Variants in TCF7 observed in about 807,000 individuals in gnomAD.
TCF7 encodes the protein transcription factor 7, also known as T-cell-factor-7.
Under a neutral mutation model 46.8 loss-of-function variants are expected in TCF7, and 19 were observed. The observed-to-expected ratio is 0.41, with a 90% CI of 0.28 to 0.60. The LOEUF (loss-of-function observed/expected upper bound fraction) is 0.60, where lower values mean the gene tolerates loss of function less well. Among genes scored for constraint, TCF7 ranks in the 20% least tolerant of loss-of-function variants. The probability of loss-of-function intolerance (pLI) is 0.35; values close to 1 mark genes in which losing one functional copy is unlikely to be tolerated. For missense variants in TCF7, 547 were observed against 504.6 expected, an observed-to-expected ratio of 1.08 and a Z score of -0.81; for synonymous variants, 245 against 213.4, an observed-to-expected ratio of 1.15 and a Z score of -1.29.
At chr5:134,126,557 C>T (rs1035645506) in intron 3 of TCF7, among the ~76,000 whole-genome samples, 1 of 152,254 alleles carries the variant, frequency 6.6e-6, no homozygotes, top group African/African-American at 2.4e-5. Context: ...ATGTGTCAAG[C>T]ACTTCCCAAG....
At chr5:134,111,924 G>C (rs1434540905), upstream of TCF7, among the ~76,000 whole-genome samples, 1 of 152,182 alleles carries the variant, frequency 6.6e-6, no homozygotes, top group Non-Finnish European at 1.5e-5. Flanking sequence ...GTCAAATGGG[G>C]ATACGAGTCC....
At chr5:134,142,049 T>G in intron 5 of TCF7, 136 bp from the exon 6 acceptor site, 1 of 1,236,360 alleles carries the variant, frequency 8.1e-7, no homozygotes, top group Non-Finnish European at 1.1e-6. Context: ...TGTGTACTTA[T>G]GTCTAGGCCA....
rs775797098 is a variant in TCF7 at position 134,115,999 on chromosome 5, G to A, written c.407G>A (p.Gly136Glu). ...CTCATGCATTACCCACCCCCCTCGG[G>A]AGCAGGGCAGCACCCCCAGCCGCAG... Reference protein sequence around the residue: ...NLLMHYPPPSGAGQHPQPQPP... With the variant: ...NLLMHYPPPSEAGQHPQPQPP... The change falls in exon 3 of 10, where the codon GGA becomes GAA. Residue 136 changes from glycine to glutamate, a missense_variant. Coordinates refer to ENST00000342854, the MANE Select transcript of TCF7 (RefSeq NM_003202.5). 1.9e-6 allele frequency: 3 copies of A among 1,613,534 alleles called. No homozygotes were observed. The South Asian group carries it at 3.3e-5, about 18-fold the overall frequency.
chr5:134,128,954 C>T (rs1002551657), intron 3 of TCF7, among the ~76,000 whole-genome samples: 2 of 152,228 alleles, frequency 1.3e-5, no homozygotes, highest in African/African-American at 2.4e-5. Context: ...CAGAGCCACA[C>T]TGCTAGCCAA....
chr5:134,142,409 G>A, intron 6 of TCF7, 105 bp downstream of exon 6: 1 of 1,047,110 alleles, frequency 9.6e-7, no homozygotes, highest in Non-Finnish European at 1.2e-6. Context: ...GCTGTTTCGT[G>A]CCTCTGGCTA....
intron 3 of TCF7, among the ~76,000 whole-genome samples, chr5:134,136,132 A>G (rs369458024): frequency 3.0e-4 from 45 of 152,268 alleles, no homozygotes; most frequent in African/African-American, 9.4e-4. Flanking sequence ...AGGTTTCTGT[A>G]AAAGGGAGTG....
intron 3 of TCF7, among the ~76,000 whole-genome samples, chr5:134,127,086 A>G (rs1287027760): frequency 1.3e-5 from 2 of 152,142 alleles, no homozygotes; most frequent in African/African-American, 4.8e-5. Flanking sequence ...TTTGCTGTAC[A>G]ATGTGTGGAG....
At chr5:134,129,680 G>A (rs557359856) in intron 3 of TCF7, among the ~76,000 whole-genome samples, 42 of 152,382 alleles carry the variant, frequency 2.8e-4, no homozygotes, top group African/African-American at 8.9e-4. Flanking sequence ...CATGGGCCAC[G>A]CCACTCGGCT....
At chr5:134,131,160 G>A (rs1158025903) in intron 3 of TCF7, among the ~76,000 whole-genome samples, 7 of 152,214 alleles carry the variant, frequency 4.6e-5, no homozygotes, top group Non-Finnish European at 1.0e-4. Flanking sequence ...CTGGAGCACA[G>A]AGTGAGAAGG....
chr5:134,119,780 G>A (rs1231999773), intron 3 of TCF7, among the ~76,000 whole-genome samples: 3 of 152,256 alleles, frequency 2.0e-5, no homozygotes, highest in Non-Finnish European at 2.9e-5. Context: ...CAGCCTGTCC[G>A]AGGAGCTTTG....
At chr5:134,117,126 T>C (rs73790148) in intron 3 of TCF7, among the ~76,000 whole-genome samples, 2,063 of 152,386 alleles carry the variant, frequency 0.014, 52 homozygotes, top group African/African-American at 0.047. Flanking sequence ...ATTCTATGGC[T>C]AGCTCTAGAA....
chr5:134,145,693 G>A (rs746054957), intron 9 of TCF7: 2 of 1,606,470 alleles, frequency 1.2e-6, no homozygotes, highest in African/African-American at 1.3e-5. Flanking sequence ...TGCACGGTGG[G>A]AAACAACCCT....
chr5:134,133,325 G>T (rs1469887410), intron 3 of TCF7, among the ~76,000 whole-genome samples: 1 of 152,306 alleles, frequency 6.6e-6, no homozygotes, highest in East Asian at 1.9e-4. Flanking sequence ...AGAGATGAAG[G>T]TGTGCCATTG....
intron 3 of TCF7, among the ~76,000 whole-genome samples, chr5:134,116,487 G>T (rs1755858368): frequency 6.6e-6 from 1 of 152,266 alleles, no homozygotes; most frequent in South Asian, 2.1e-4. Flanking sequence ...CCCTGGTTGT[G>T]CAGGAGAAAC....
At chr5:134,121,419 A>C (rs1419901661) in intron 3 of TCF7, among the ~76,000 whole-genome samples, 2 of 152,002 alleles carry the variant, frequency 1.3e-5, no homozygotes, top group East Asian at 3.9e-4. Context: ...CCGGGTCTCT[A>C]CTAAAAATAC....
chr5:134,140,127 G>A (rs77532210), intron 5 of TCF7, among the ~76,000 whole-genome samples: 193 of 152,294 alleles, frequency 1.3e-3, no homozygotes, highest in African/African-American at 4.3e-3. Flanking sequence ...GCTTCCACCC[G>A]GTGGCACTTG....
intron 9 of TCF7, chr5:134,145,289 C>T (rs767137660): frequency 1.9e-6 from 1 of 539,644 alleles, no homozygotes; most frequent in South Asian, 1.4e-5. Context: ...CATCCTGAGC[C>T]CTTAATCTGA....
chr5:134,138,717 T>C (rs538091174), intron 4 of TCF7: 17 of 549,354 alleles, frequency 3.1e-5, no homozygotes, highest in African/African-American at 2.8e-4. Flanking sequence ...CTCTGCCTAC[T>C]GGCCCCCTAA....
At chr5:134,130,421 A>G (rs11954596) in intron 3 of TCF7, among the ~76,000 whole-genome samples, 133 of 152,326 alleles carry the variant, frequency 8.7e-4, no homozygotes, top group Non-Finnish European at 1.4e-3. Context: ...AGTGCAAAGA[A>G]GGAAAGTGAG....
Sources: allele counts gnomAD v4.1 joint callset (sites outside exome capture counted in the v4.1 genomes callset), GRCh38; gene constraint gnomAD v4.1.1; transcripts MANE v1.5; gene names NCBI Gene and HGNC (gene_info 2026-07-23, HGNC 2026-07-21).